PM20D2: variants seen among roughly 807,000 people sequenced by gnomAD.
PM20D2 encodes the protein xaa-Arg dipeptidase.
Under a neutral mutation model 42.9 loss-of-function variants are expected in PM20D2, and 33 were observed. The ratio of observed to expected loss-of-function variants is 0.77; its 90% CI spans 0.58 to 1.03. PM20D2 has a LOEUF of 1.03. Ranked by LOEUF, PM20D2 falls within the 50% of genes least tolerant of loss-of-function variation. The pLI is 0.00. For synonymous variants in PM20D2, 250 were observed against 228.2 expected, an observed-to-expected ratio of 1.10 and a Z score of -0.86; for missense variants, 548 against 557.0, an observed-to-expected ratio of 0.98 and a Z score of 0.16.
the PM20D2 span, among the ~76,000 whole-genome samples, chr6:89,116,880 T>G: frequency 1.3e-5 from 2 of 152,176 alleles, no homozygotes; most frequent in African/African-American, 4.8e-5. Context: ...AAGAGCTCCA[T>G]GTATCTATAC....
intron 4 of PM20D2, 44 bp downstream of exon 4, chr6:89,154,946 A>G (rs1008838725): frequency 2.0e-6 from 3 of 1,499,788 alleles, no homozygotes; most frequent in African/African-American, 1.4e-5. Flanking sequence ...TCAGAGGTAT[A>G]TATGTGGGCT....
At chr6:89,126,284 A>G in the PM20D2 span, among the ~76,000 whole-genome samples, 4 of 152,084 alleles carry the variant, frequency 2.6e-5, no homozygotes, top group Admixed American at 2.6e-4. Flanking sequence ...AGTCCCAGCT[A>G]CTGGGGAGGC....
At chr6:89,157,745 C>G (rs561487508) in intron 4 of PM20D2, among the ~76,000 whole-genome samples, 3 of 152,322 alleles carry the variant, frequency 2.0e-5, no homozygotes, top group South Asian at 2.1e-4. Context: ...TGGCTCATGC[C>G]TGTAATCCCA....
At chr6:89,145,950 G>T (rs1018103901), upstream of PM20D2, 4 of 431,232 alleles carry the variant, frequency 9.3e-6, no homozygotes, top group Non-Finnish European at 1.6e-5. Flanking sequence ...CGCCTGGTAG[G>T]GTACGAGCGG....
At chr6:89,134,650 G>A in the PM20D2 span, among the ~76,000 whole-genome samples, 1 of 151,128 alleles carries the variant, frequency 6.6e-6, no homozygotes, top group African/African-American at 2.5e-5. Flanking sequence ...CACAACTGGG[G>A]GAACTTGAAG....
At chr6:89,133,527 T>C in the PM20D2 span, among the ~76,000 whole-genome samples, 1 of 151,174 alleles carries the variant, frequency 6.6e-6, no homozygotes, top group African/African-American at 2.5e-5. Flanking sequence ...TCTTCTTGCT[T>C]GCATCACCCT....
intron 2 of PM20D2, 115 bp from the exon 3 acceptor site, chr6:89,152,928 A>G (rs1056455627): frequency 1.1e-5 from 9 of 786,354 alleles, no homozygotes; most frequent in African/African-American, 5.3e-5. Context: ...TTGCAAATCA[A>G]AAGTCCAGCA....
chr6:89,138,206 T>C, the PM20D2 span, among the ~76,000 whole-genome samples: 1 of 152,072 alleles, frequency 6.6e-6, no homozygotes, highest in Non-Finnish European at 1.5e-5. Context: ...AGTACAGGCA[T>C]GAGACCATGC....
intron 3 of PM20D2, among the ~76,000 whole-genome samples, chr6:89,153,459 C>T (rs527667254): frequency 1.4e-4 from 22 of 151,766 alleles, no homozygotes; most frequent in East Asian, 5.8e-4. Flanking sequence ...TGTGTTCTTT[C>T]GGTGGGTGTT....
At chr6:89,130,266 A>C in the PM20D2 span, among the ~76,000 whole-genome samples, 3,130 of 151,682 alleles carry the variant, frequency 0.021, 51 homozygotes, top group African/African-American at 0.032. Context: ...GTTATATTTT[A>C]TTTTATTTCA....
At chr6:89,161,364 G>T (rs949186260) in intron 5 of PM20D2, among the ~76,000 whole-genome samples, 1 of 152,196 alleles carries the variant, frequency 6.6e-6, no homozygotes. Context: ...AGAGAAAGGG[G>T]CCTGGAATGG....
chr6:89,150,314 G>A lies in PM20D2; in HGVS notation c.614+901G>A, dbSNP rs143243899. ...GAATCTTTGAACTTTGGTTTCAAGG[G>A]TGGTGGTAAACTAGTCCATCTCTAG... On this transcript the variant is annotated intron_variant, in intron 2 of 6. Coordinates refer to ENST00000275072, the MANE Select transcript of PM20D2 (RefSeq NM_001010853.3). Among the ~76,000 whole-genome samples the A allele has an allele frequency of 7.4e-3, 1,133 of 152,206 alleles. 15 individuals are homozygous for A. The highest frequency in any genetic ancestry group is 0.026 in the African/African-American group (1,084 of 41,506).
chr6:89,125,297 G>A, the PM20D2 span, among the ~76,000 whole-genome samples: 148 of 152,184 alleles, frequency 9.7e-4, no homozygotes, highest in African/African-American at 3.3e-3. Flanking sequence ...TGGCTAACAC[G>A]GTGAAACTCC....
chr6:89,151,773 T>C (rs1424398873), intron 2 of PM20D2, among the ~76,000 whole-genome samples: 3 of 152,164 alleles, frequency 2.0e-5, no homozygotes, highest in Non-Finnish European at 4.4e-5. Context: ...GTTTTTATAA[T>C]ATTTATCACC....
the PM20D2 span, chr6:89,098,808 G>T: frequency 3.1e-6 from 5 of 1,613,914 alleles, no homozygotes; most frequent in Non-Finnish European, 3.4e-6. Context: ...GACCTCTTTT[G>T]TAAGGACTTG....
At chr6:89,103,991 CTTTTTTTTT>C in the PM20D2 span, among the ~76,000 whole-genome samples, 1 of 81,964 alleles carries the variant, frequency 1.2e-5, no homozygotes. Context: ...TATTATATTT[CTTTTTTTTT>C]TTTTTTTTTT....
chr6:89,162,403 A>G lies in PM20D2; in HGVS notation c.*140A>G. The G allele has an allele frequency of 2.3e-6, 2 of 882,214 alleles. No individual in the cohort carries two copies. Among genetic ancestry groups the G allele is most frequent in the Non-Finnish European group, 3.3e-6 (2 of 606,392 alleles). 54.6% of individuals were successfully genotyped at this position (882,214 alleles called of 1,614,324 possible). On this transcript the variant is annotated 3_prime_UTR_variant, in exon 7 of 7. Coordinates refer to ENST00000275072, the MANE Select transcript of PM20D2 (RefSeq NM_001010853.3). ...GATAAGTGAGGACAGGGTGTGGAGAAAACATATTAATTACCTCATATCTAA... is the reference window on the plus strand; with the variant it reads ...GATAAGTGAGGACAGGGTGTGGAGAGAACATATTAATTACCTCATATCTAA...
At chr6:89,149,242 C>T (rs1770742097) in intron 1 of PM20D2, 23 bp from the exon 2 acceptor site, 1 of 1,607,430 alleles carries the variant, frequency 6.2e-7, no homozygotes, top group Admixed American at 1.7e-5. Flanking sequence ...TTGTTTTTCC[C>T]TGACATGAGT....
the PM20D2 span, among the ~76,000 whole-genome samples, chr6:89,119,805 C>T: frequency 6.6e-6 from 1 of 152,212 alleles, no homozygotes; most frequent in African/African-American, 2.4e-5. Flanking sequence ...CTTTCTCTCT[C>T]TCTTTCTCTG....
Sources: gnomAD v4.1 joint callset for allele counts (sites outside exome capture counted in the v4.1 genomes callset) on GRCh38, gnomAD v4.1.1 for gene constraint, MANE v1.5 for transcripts, NCBI Gene and HGNC (gene_info 2026-07-23, HGNC 2026-07-21) for gene names.